WDR70: variants seen among roughly 807,000 people sequenced by gnomAD.
The protein encoded by WDR70 is WD repeat domain 70, also known as WD repeat-containing protein 70.
Under a neutral mutation model 88.6 loss-of-function variants are expected in WDR70, and 53 were observed. The ratio of observed to expected loss-of-function variants is 0.60; its 90% CI spans 0.48 to 0.75. WDR70 has a LOEUF of 0.75. Ranked by LOEUF, WDR70 falls within the 30% of genes least tolerant of loss-of-function variation. The pLI is 0.00. For synonymous variants in WDR70, 280 were observed against 270.0 expected, an observed-to-expected ratio of 1.04 and a Z score of -0.36; for missense variants, 610 against 823.2, an observed-to-expected ratio of 0.74 and a Z score of 3.17.
At chr5:37,600,681 A>G (rs1743855240) in intron 9 of WDR70, among the ~76,000 whole-genome samples, 1 of 152,208 alleles carries the variant, frequency 6.6e-6, no homozygotes, top group Admixed American at 6.5e-5. Context: ...AGTTATTAAG[A>G]AAATGCAAAT....
rs112611325 is a variant in WDR70 at position 37,745,535 on chromosome 5, CT to C, written c.1878-6949del. On this transcript the variant is annotated intron_variant, in intron 17 of 17. Coordinates refer to ENST00000265107, the MANE Select transcript of WDR70 (RefSeq NM_018034.4). ...GGTGTGCTGTATTCAGGAGCCCCAT[CT>C]TATGTGCAAAGACACACACAGGCTC... is the stretch of plus-strand genomic sequence containing the variant. Among the ~76,000 whole-genome samples, 836 of 151,654 alleles carry C rather than the reference CT, an allele frequency of 5.5e-3. 10 individuals are homozygous for C. Among genetic ancestry groups the C allele is most frequent in the African/African-American group, 0.019 (798 of 41,252 alleles).
intron 10 of WDR70, among the ~76,000 whole-genome samples, chr5:37,641,640 C>T (rs187869460): frequency 2.8e-4 from 42 of 152,108 alleles, no homozygotes; most frequent in Non-Finnish European, 4.4e-4. Context: ...TGGTCTTGAA[C>T]GCCTGACCTT....
chr5:37,703,044 G>T lies in WDR70; in HGVS notation c.1373G>T (p.Arg458Leu). The T allele has an allele frequency of 1.9e-6, 3 of 1,613,732 alleles. No individual in the cohort carries two copies. The highest frequency in any genetic ancestry group is 1.1e-5 in the South Asian group (1 of 91,032). The change falls in exon 13 of 18, where the codon CGT becomes CTT. Residue 458 changes from arginine (R) to leucine (L), a missense_variant. Coordinates refer to ENST00000265107, the MANE Select transcript of WDR70 (RefSeq NM_018034.4). ...CGSGKLVFFERRTFQRVYEID... is the reference protein window; with the variant it reads ...CGSGKLVFFELRTFQRVYEID... ...AGCGGCAAACTTGTTTTCTTTGAGC[G>T]TAGGACTTTCCAAAGGGTGTATGAA... is the stretch of plus-strand genomic sequence containing the variant.
At chr5:37,445,240 T>G (rs1038908164) in intron 7 of WDR70, among the ~76,000 whole-genome samples, 2 of 152,176 alleles carry the variant, frequency 1.3e-5, no homozygotes, top group Admixed American at 1.3e-4. Flanking sequence ...TCTGATTCCT[T>G]CATTGTAAAG....
chr5:37,601,272 T>C (rs1397390074), intron 9 of WDR70, among the ~76,000 whole-genome samples: 1 of 152,374 alleles, frequency 6.6e-6, no homozygotes, highest in East Asian at 1.9e-4. Context: ...TCTGCATCTA[T>C]TGAGATGTCA....
At chr5:37,727,079 T>C (rs1212204495) in intron 17 of WDR70, 34 bp downstream of exon 17, 1 of 1,589,496 alleles carries the variant, frequency 6.3e-7, no homozygotes. Flanking sequence ...AGGAAAATTG[T>C]TATGTTTAAT....
intron 12 of WDR70, among the ~76,000 whole-genome samples, 181 bp downstream of exon 12, chr5:37,701,323 C>A (rs1366942335): frequency 6.6e-6 from 1 of 152,054 alleles, no homozygotes; most frequent in African/African-American, 2.4e-5. Context: ...CCTCAGACTT[C>A]AAGAACTTTT....
At chr5:37,505,898 C>T in intron 8 of WDR70, 1 of 1,346,224 alleles carries the variant, frequency 7.4e-7, no homozygotes, top group Admixed American at 1.7e-5. Context: ...TAATTCCTGT[C>T]ATCTGACTTC....
At chr5:37,721,285 C>G in intron 14 of WDR70, 70 bp downstream of exon 14, 2 of 1,365,708 alleles carry the variant, frequency 1.5e-6, no homozygotes, top group Non-Finnish European at 2.1e-6. Flanking sequence ...CTCCCACCCC[C>G]GCTTTTATTT....
chr5:37,655,952 C>T (rs1343589140), intron 10 of WDR70, among the ~76,000 whole-genome samples: 1 of 152,010 alleles, frequency 6.6e-6, no homozygotes, highest in Non-Finnish European at 1.5e-5. Context: ...ACTTGTCAAA[C>T]TTATTCTCCA....
chr5:37,688,081 A>C, intron 10 of WDR70: 1 of 478,960 alleles, frequency 2.1e-6, no homozygotes, highest in Non-Finnish European at 3.8e-6. Context: ...TTATATTTTC[A>C]AATATCGACA....
intron 13 of WDR70, among the ~76,000 whole-genome samples, 186 bp from the exon 14 acceptor site, chr5:37,720,929 A>G (rs576086712): frequency 2.0e-4 from 30 of 152,322 alleles, no homozygotes; most frequent in Non-Finnish European, 4.3e-4. Context: ...TCACCCAGAT[A>G]ATAAGTGATG....
intron 3 of WDR70, among the ~76,000 whole-genome samples, chr5:37,382,449 A>G (rs1162062211): frequency 1.0e-4 from 15 of 146,764 alleles, no homozygotes; most frequent in African/African-American, 1.5e-4. Context: ...GTCTCGCTTT[A>G]TTGCTGGGCT....
At chr5:37,413,033 GA>G (rs1158159871) in intron 5 of WDR70, among the ~76,000 whole-genome samples, 2 of 152,146 alleles carry the variant, frequency 1.3e-5, no homozygotes, top group Non-Finnish European at 2.9e-5. Context: ...ATTGGTATGA[GA>G]AAACTTAACT....
At chr5:37,669,651 A>G (rs763575572) in intron 10 of WDR70, among the ~76,000 whole-genome samples, 1 of 152,134 alleles carries the variant, frequency 6.6e-6, no homozygotes, top group Admixed American at 6.5e-5. Context: ...AATGTGTAAG[A>G]GATTTACTGG....
intron 5 of WDR70, among the ~76,000 whole-genome samples, chr5:37,434,463 T>A (rs1259680878): frequency 6.6e-6 from 1 of 152,088 alleles, no homozygotes; most frequent in Admixed American, 6.6e-5. Flanking sequence ...TGCGAGAAAA[T>A]AGCGCTCATT....
chr5:37,457,257 G>A (rs1323659731), intron 7 of WDR70, among the ~76,000 whole-genome samples: 1 of 152,092 alleles, frequency 6.6e-6, no homozygotes, highest in Non-Finnish European at 1.5e-5. Context: ...CACCATGCCT[G>A]GCTAATATTT....
At chr5:37,557,957 A>ACTCTTTTTAAAACTCTTCAAAAGAGTAC in intron 9 of WDR70, among the ~76,000 whole-genome samples, 1 of 139,252 alleles carries the variant, frequency 7.2e-6, no homozygotes, top group Non-Finnish European at 1.6e-5. Context: ...TCAAAAGAGT[A>ACTCTTTTTAAAACTCTTCAAAAGAGTAC]TTATGTATAT....
chr5:37,422,913 C>G (rs887662086), intron 5 of WDR70, among the ~76,000 whole-genome samples: 1 of 152,140 alleles, frequency 6.6e-6, no homozygotes, highest in Admixed American at 6.6e-5. Context: ...TACTTGTGAG[C>G]CACTGCACCT....
Sources: allele counts gnomAD v4.1 joint callset (sites outside exome capture counted in the v4.1 genomes callset), GRCh38; gene constraint gnomAD v4.1.1; transcripts MANE v1.5; gene names NCBI Gene and HGNC (gene_info 2026-07-23, HGNC 2026-07-21).